The following WDSUB1 variants were observed in gnomAD, a reference collection of about 807,000 sequenced individuals.
The protein encoded by WDSUB1 is WD repeat, sterile alpha motif and U-box domain containing 1, also known as WD repeat, SAM and U-box domain-containing protein 1.
Under a neutral mutation model 53.9 loss-of-function variants are expected in WDSUB1, and 49 were observed. That is an observed-to-expected ratio of 0.91 (90% CI 0.72 to 1.15). The LOEUF is 1.15. Among genes scored for constraint, WDSUB1 ranks in the 50% most tolerant of loss-of-function variants. WDSUB1 has a pLI of 0.00. For synonymous variants in WDSUB1, 194 were observed against 200.6 expected (o/e 0.97, Z 0.28); for missense variants, 514 against 562.0 (o/e 0.91, Z 0.86).
chr2:159,247,785 A>G (rs2060832847), intron 10 of WDSUB1, among the ~76,000 whole-genome samples: 1 of 149,334 alleles, frequency 6.7e-6, no homozygotes, highest in South Asian at 2.1e-4. Context: ...ATACAGCCAC[A>G]ATGGGATAAA....
At chr2:159,266,192 CCTTA>C (rs1260708090) in intron 5 of WDSUB1, among the ~76,000 whole-genome samples, 1 of 151,906 alleles carries the variant, frequency 6.6e-6, no homozygotes, top group Non-Finnish European at 1.5e-5. Flanking sequence ...TGTCAAGGAA[CCTTA>C]CTTTTTTTTT....
intron 5 of WDSUB1, among the ~76,000 whole-genome samples, chr2:159,265,706 C>CA (rs942396444): frequency 6.6e-6 from 1 of 151,204 alleles, no homozygotes; most frequent in Admixed American, 6.6e-5. Context: ...GACCCTGTCC[C>CA]AAAAAAAAGA....
At chr2:159,250,752 A>G (rs1434669798) in intron 9 of WDSUB1, among the ~76,000 whole-genome samples, 1 of 152,236 alleles carries the variant, frequency 6.6e-6, no homozygotes, top group Non-Finnish European at 1.5e-5. Flanking sequence ...TAAGAGGTAC[A>G]TAAGATTAAT....
At chr2:159,255,445 T>C (rs988463500) in intron 9 of WDSUB1, among the ~76,000 whole-genome samples, 2 of 151,866 alleles carry the variant, frequency 1.3e-5, no homozygotes, top group Non-Finnish European at 2.9e-5. Flanking sequence ...CCGGCCTGGG[T>C]GACAGAGCGA....
intron 8 of WDSUB1, among the ~76,000 whole-genome samples, chr2:159,257,042 AG>A (rs2061079529): frequency 6.6e-6 from 1 of 152,180 alleles, no homozygotes; most frequent in South Asian, 2.1e-4. Flanking sequence ...TCCCTTGCCC[AG>A]GCTGAAGTAC....
At chr2:159,267,557 G>C (rs1222769035) in intron 5 of WDSUB1, among the ~76,000 whole-genome samples, 1 of 151,982 alleles carries the variant, frequency 6.6e-6, no homozygotes, top group African/African-American at 2.4e-5. Context: ...CTTCTGCTTT[G>C]ACCTCTCAAA....
At chr2:159,239,957 CTT>C (rs1211520207) in intron 10 of WDSUB1, among the ~76,000 whole-genome samples, 1 of 152,178 alleles carries the variant, frequency 6.6e-6, no homozygotes, top group Non-Finnish European at 1.5e-5. Context: ...GCCTTTTGCT[CTT>C]TTTGAGATAT....
chr2:159,280,352 AAT>A (rs2061629175), intron 2 of WDSUB1, among the ~76,000 whole-genome samples: 1 of 152,206 alleles, frequency 6.6e-6, no homozygotes, highest in Admixed American at 6.5e-5. Context: ...TTTATTGGAA[AAT>A]ATGTTATTGG....
chr2:159,236,745 C>CCT (rs2060493464), intron 10 of WDSUB1, among the ~76,000 whole-genome samples: 1 of 152,146 alleles, frequency 6.6e-6, no homozygotes, highest in Non-Finnish European at 1.5e-5. Flanking sequence ...GCAAGCTCCA[C>CCT]CTCCCAAGTA....
rs1475966156 is a variant in WDSUB1 at position 159,265,864 on chromosome 2, G to GA, written c.770+5837dup. ...GGACAGAAGTGGAGAAAGACCAAGG[G>GA]AAAAACCTCTTGCGTATTTTGCTAC... On this transcript the variant is annotated intron_variant, in intron 5 of 10. Transcript: ENST00000359774. 2.6e-5 allele frequency among the ~76,000 whole-genome samples: 4 copies of GA among 152,294 alleles called. No homozygotes were observed. In the East Asian group the frequency reaches 5.8e-4, roughly 22 times the overall value.
At position 159,283,409 on chromosome 2, in the gene WDSUB1, C is replaced by T. The variant is rs372154536; in HGVS notation, c.-24-316G>A. On this transcript the variant is annotated intron_variant, in intron 1 of 10. Transcript: ENST00000359774. ...AATAGGGTTTGTGGATGCCTGGAGC[C>T]CCAGCTACAAAAATTAGCTGGGTGT... Among the ~76,000 whole-genome samples, 13 of 152,152 alleles carry T rather than the reference C, an allele frequency of 8.5e-5. No individual in the cohort carries two copies. The South Asian group carries it at 2.5e-3, about 29-fold the overall frequency.
chr2:159,245,707 C>T (rs1414666184), intron 10 of WDSUB1, among the ~76,000 whole-genome samples: 1 of 152,044 alleles, frequency 6.6e-6, no homozygotes. Context: ...GCTGGAACAA[C>T]TGGATATTCA....
At chr2:159,245,545 A>AAAGAC (rs2060775606) in intron 10 of WDSUB1, among the ~76,000 whole-genome samples, 1 of 151,796 alleles carries the variant, frequency 6.6e-6, no homozygotes, top group Non-Finnish European at 1.5e-5. Flanking sequence ...AAAAAAAAAA[A>AAAGAC]AGACTATAAA....
chr2:159,281,735 G>GCCA (rs1349665819), intron 2 of WDSUB1, among the ~76,000 whole-genome samples: 1 of 152,196 alleles, frequency 6.6e-6, no homozygotes, highest in Non-Finnish European at 1.5e-5. Flanking sequence ...CCTTTGGGAA[G>GCCA]CCAGCTGAAG....
intron 4 of WDSUB1, among the ~76,000 whole-genome samples, chr2:159,273,620 A>C (rs547520160): frequency 6.6e-5 from 10 of 152,154 alleles, no homozygotes; most frequent in Admixed American, 5.9e-4. Context: ...GGGTTTCACC[A>C]TGTTGGCCAG....
intron 3 of WDSUB1, among the ~76,000 whole-genome samples, chr2:159,276,776 T>A (rs1200215894): frequency 2.0e-5 from 3 of 152,160 alleles, no homozygotes; most frequent in Admixed American, 1.3e-4. Context: ...ATCCCAGCAC[T>A]TTGAGAGGCT....
intron 4 of WDSUB1, among the ~76,000 whole-genome samples, chr2:159,273,451 C>CCT (rs2151133029): frequency 6.6e-6 from 1 of 152,010 alleles, no homozygotes; most frequent in East Asian, 1.9e-4. Context: ...GAGAGCATCT[C>CCT]CTTCTGTCAC....
At chr2:159,266,266 G>A (rs537431013) in intron 5 of WDSUB1, among the ~76,000 whole-genome samples, 35 of 151,886 alleles carry the variant, frequency 2.3e-4, no homozygotes, top group Admixed American at 1.6e-3. Flanking sequence ...TGGACTCACC[G>A]CAAGCACCGC....
At chr2:159,246,489 AT>A (rs1185412426) in intron 10 of WDSUB1, among the ~76,000 whole-genome samples, 3 of 152,068 alleles carry the variant, frequency 2.0e-5, no homozygotes, top group Admixed American at 2.0e-4. Context: ...AAATGGCAAA[AT>A]TTAAAAGACT....
Sources: allele counts gnomAD v4.1 joint callset (sites outside exome capture counted in the v4.1 genomes callset), GRCh38; gene constraint gnomAD v4.1.1; transcripts MANE v1.5; gene names NCBI Gene and HGNC (gene_info 2026-07-23, HGNC 2026-07-21).